ALMS1: variants seen among roughly 807,000 people sequenced by gnomAD.
ALMS1 encodes the protein ALMS1 centrosome and basal body associated protein.
A neutral mutation model predicts 352.2 loss-of-function variants in ALMS1; 271 were observed. The ratio of observed to expected loss-of-function variants is 0.77; its 90% CI spans 0.70 to 0.85. The LOEUF (loss-of-function observed/expected upper bound fraction) is 0.85, where lower values mean the gene tolerates loss of function less well. Among genes scored for constraint, ALMS1 ranks in the 40% least tolerant of loss-of-function variants. The pLI, the probability that ALMS1 is intolerant of heterozygous loss-of-function variation, is 0.00. For missense variants in ALMS1, 5,445 were observed against 4,870.7 expected (o/e 1.12, Z -3.51); for synonymous variants, 1,865 against 1,761.2 (o/e 1.06, Z -1.48).
Position 73,424,517 on chromosome 2 carries a change from A to G in ALMS1, c.852A>G (p.Val284=). ...SEALFQATAE[V]ASDLASSRFS... The stretch of plus-strand genomic sequence containing the variant: ...CTTTATTCCAGGCTACTGCAGAAGT[A>G]GCTTCAGACTTAGCAAGCAGTCGCT... Residue 284 remains valine (V), a synonymous_variant, in exon 5 of 23, where the codon GTA becomes GTG. Transcript: ENST00000613296. The G allele has an allele frequency of 3.1e-6, 5 of 1,609,748 alleles. No individual in the cohort carries two copies. Among genetic ancestry groups the G allele is most frequent in the Non-Finnish European group, 4.2e-6 (5 of 1,177,606 alleles).
intron 1 of ALMS1, among the ~76,000 whole-genome samples, chr2:73,402,883 T>G (rs996068715): frequency 7.2e-5 from 11 of 152,154 alleles, no homozygotes; most frequent in Admixed American, 7.2e-4. Flanking sequence ...AATTAGGTTG[T>G]TTGTTTTTCT....
At chr2:73,540,511 T>G (rs2104005571) in intron 12 of ALMS1, among the ~76,000 whole-genome samples, 1 of 152,252 alleles carries the variant, frequency 6.6e-6, no homozygotes, top group Admixed American at 6.5e-5. Flanking sequence ...AGGATCAAAT[T>G]CACACATAAC....
intron 2 of ALMS1, among the ~76,000 whole-genome samples, chr2:73,414,473 G>GTTTTTTTTTTTTGTT (rs1671141331): frequency 4.5e-5 from 3 of 66,414 alleles, no homozygotes; most frequent in Non-Finnish European, 6.4e-5. Flanking sequence ...CTTTTTTTCC[G>GTTTTTTTTTTTTGTT]TTTTTTTTTT....
chr2:73,403,823 C>T (rs1295134736), intron 1 of ALMS1, among the ~76,000 whole-genome samples: 2 of 151,986 alleles, frequency 1.3e-5, no homozygotes, highest in Non-Finnish European at 2.9e-5. Context: ...ATTTCTTTTT[C>T]ATATAAGTAG....
chr2:73,476,538 C>A (rs1672587343), intron 9 of ALMS1, among the ~76,000 whole-genome samples: 2 of 152,040 alleles, frequency 1.3e-5, no homozygotes, highest in Admixed American at 1.3e-4. Flanking sequence ...GTACTGATTT[C>A]TCCACATCCT....
intron 9 of ALMS1, among the ~76,000 whole-genome samples, chr2:73,476,196 A>AT (rs2103854000): frequency 6.6e-6 from 1 of 152,158 alleles, no homozygotes; most frequent in East Asian, 1.9e-4. Flanking sequence ...TATTCTTAAA[A>AT]TTCACCCATG....
intron 4 of ALMS1, among the ~76,000 whole-genome samples, chr2:73,423,261 T>G (rs1010875991): frequency 6.6e-6 from 1 of 152,178 alleles, no homozygotes; most frequent in African/African-American, 2.4e-5. Context: ...ATTTTCCTTC[T>G]TATAAACCTC....
chr2:73,503,368 T>A (rs1435538012), intron 10 of ALMS1, among the ~76,000 whole-genome samples: 3 of 152,064 alleles, frequency 2.0e-5, no homozygotes, highest in South Asian at 2.1e-4. Flanking sequence ...TTGTTCTTGC[T>A]ATAGTTTACT....
chr2:73,417,167 A>G (rs1558636417), intron 2 of ALMS1, among the ~76,000 whole-genome samples: 1 of 152,148 alleles, frequency 6.6e-6, no homozygotes, highest in South Asian at 2.1e-4. Flanking sequence ...AATATAATAC[A>G]GTTGTTAAAT....
intron 9 of ALMS1, among the ~76,000 whole-genome samples, chr2:73,471,493 C>CAAAAAAAAAAAAAAA (rs58688820): frequency 8.8e-6 from 1 of 113,656 alleles, no homozygotes; most frequent in African/African-American, 3.8e-5. Flanking sequence ...ACTCAACAGC[C>CAAAAAAAAAAAAAAA]AAAAAAAAAA....
chr2:73,455,745 C>T (rs1672046366), intron 9 of ALMS1, among the ~76,000 whole-genome samples: 1 of 152,140 alleles, frequency 6.6e-6, no homozygotes, highest in South Asian at 2.1e-4. Context: ...GTATTAGATT[C>T]TTACAGTCTA....
At chr2:73,556,687 T>A (rs1674551388) in intron 13 of ALMS1, among the ~76,000 whole-genome samples, 1 of 151,548 alleles carries the variant, frequency 6.6e-6, no homozygotes. Flanking sequence ...AGGAACAGAT[T>A]TTTTTTAGAA....
intron 7 of ALMS1, among the ~76,000 whole-genome samples, chr2:73,437,206 T>C (rs1264308018): frequency 6.6e-6 from 1 of 152,206 alleles, no homozygotes; most frequent in Non-Finnish European, 1.5e-5. Context: ...TTCTTATGGC[T>C]TGCCTCTGCT....
chr2:73,571,752 G>A (rs1674932302), intron 15 of ALMS1, among the ~76,000 whole-genome samples: 6 of 151,956 alleles, frequency 3.9e-5, no homozygotes, highest in Admixed American at 3.9e-4. Context: ...AGTCAAGATG[G>A]TCCACAGAAA....
chr2:73,513,206 G>A (rs1291224791), intron 10 of ALMS1, among the ~76,000 whole-genome samples: 1 of 151,674 alleles, frequency 6.6e-6, no homozygotes, highest in African/African-American at 2.4e-5. Flanking sequence ...TTGGGCTTTG[G>A]CATTCCATGC....
At chr2:73,522,681 A>G (rs567002512) in intron 11 of ALMS1, among the ~76,000 whole-genome samples, 49 of 152,034 alleles carry the variant, frequency 3.2e-4, no homozygotes, top group Non-Finnish European at 6.6e-4. Flanking sequence ...GTTGGCCAGG[A>G]TGATCTCGAT....
Position 73,451,602 on chromosome 2 carries a change from C to T in ALMS1, c.5075C>T (p.Pro1692Leu), listed in dbSNP as rs1044261801. 7 of 1,614,084 alleles carry T rather than the reference C, an allele frequency of 4.3e-6. No homozygotes were observed. Among genetic ancestry groups the T allele is most frequent in the Middle Eastern group, 1.6e-4 (1 of 6,062 alleles). Residue 1692 changes from proline to leucine, a missense_variant, in exon 8 of 23, where the codon CCA (proline) becomes CTA (leucine). Coordinates refer to ENST00000613296, the MANE Select transcript of ALMS1 (RefSeq NM_001378454.1). ...SHLPEEALKV[P>L]PVPGPDAQKT... The stretch of plus-strand genomic sequence containing the variant: ...TTACCTGAAGAAGCTCTGAAAGTTC[C>T]ACCTGTTCCTGGACCAGATGCCCAG...
At chr2:73,571,123 A>G (rs1316153957) in intron 15 of ALMS1, among the ~76,000 whole-genome samples, 1 of 152,240 alleles carries the variant, frequency 6.6e-6, no homozygotes, top group East Asian at 1.9e-4. Flanking sequence ...TATAGTCTAC[A>G]TACTTTAGGT....
intron 9 of ALMS1, among the ~76,000 whole-genome samples, chr2:73,464,095 T>G (rs1271125581): frequency 6.6e-6 from 1 of 152,212 alleles, no homozygotes; most frequent in Non-Finnish European, 1.5e-5. Flanking sequence ...ACTCATTTTA[T>G]GAGGCCAGCA....
Sources: allele counts gnomAD v4.1 joint callset (sites outside exome capture counted in the v4.1 genomes callset), GRCh38; gene constraint gnomAD v4.1.1; transcripts MANE v1.5; gene names NCBI Gene and HGNC (gene_info 2026-07-23, HGNC 2026-07-21).